FGF14: variants seen among roughly 807,000 people sequenced by gnomAD.
FGF14 encodes the protein fibroblast growth factor 14, also known as fibroblast growth factor homologous factor 4.
FGF14 carries 5 observed loss-of-function variants against 25.5 expected under a neutral mutation model. The ratio of observed to expected loss-of-function variants is 0.20; its 90% CI spans 0.10 to 0.41. The LOEUF is 0.41. Ranked by LOEUF, FGF14 falls within the 10% of genes least tolerant of loss-of-function variation. The pLI is 1.00. For synonymous variants in FGF14, 138 were observed against 118.3 expected, an observed-to-expected ratio of 1.17 and a Z score of -1.08; for missense variants, 222 against 320.1, an observed-to-expected ratio of 0.69 and a Z score of 2.34.
At chr13:102,246,888 A>G (rs915995014) in intron 1 of FGF14, among the ~76,000 whole-genome samples, 1 of 152,094 alleles carries the variant, frequency 6.6e-6, no homozygotes, top group Non-Finnish European at 1.5e-5. Flanking sequence ...GTACAAAAAC[A>G]GACACATAGA....
intron 3 of FGF14, among the ~76,000 whole-genome samples, chr13:101,808,134 T>G (rs1038282034): frequency 5.3e-5 from 8 of 152,064 alleles, no homozygotes; most frequent in Non-Finnish European, 1.0e-4. Flanking sequence ...ATGAGAAAAC[T>G]AATGAATATT....
At chr13:102,330,166 G>A (rs1214985599) in intron 1 of FGF14, among the ~76,000 whole-genome samples, 3 of 152,206 alleles carry the variant, frequency 2.0e-5, no homozygotes, top group Admixed American at 6.5e-5. Flanking sequence ...TTTCAGCAGA[G>A]CCTCCCTGTC....
At position 102,400,155 on chromosome 13, in the gene FGF14, G is replaced by A. The variant is rs538915772; in HGVS notation, c.208+1316C>T. Among the ~76,000 whole-genome samples the A allele has an allele frequency of 3.4e-3, 511 of 152,236 alleles. 7 individuals carry two copies. Among genetic ancestry groups the A allele is most frequent in the African/African-American group, 0.011 (477 of 41,552 alleles). On this transcript the variant is annotated intron_variant, in intron 1 of 4. Coordinates refer to the FGF14 transcript ENST00000376131. This position sits in a 1 kb window ranked among gnomAD's most constrained non-coding sequence, Gnocchi z 4.3. The stretch of plus-strand genomic sequence containing the variant: ...TACGTTGCATTGGCAAGGTTCGGAG[G>A]CTGGAGGGCAGCAGCCACTTGCTGC...
intron 1 of FGF14, among the ~76,000 whole-genome samples, chr13:102,042,822 G>C (rs1252766101): frequency 1.3e-5 from 2 of 152,168 alleles, no homozygotes; most frequent in Admixed American, 1.3e-4. Flanking sequence ...TCAAAAGGCA[G>C]GCTGTTTCAC....
intron 1 of FGF14, among the ~76,000 whole-genome samples, chr13:102,137,817 T>C (rs2046476789): frequency 6.6e-6 from 1 of 151,516 alleles, no homozygotes; most frequent in African/African-American, 2.4e-5. Context: ...TGGGTAAGGC[T>C]TTGTCTGAAA....
chr13:101,924,182 A>C (rs2034202650), intron 1 of FGF14, among the ~76,000 whole-genome samples: 1 of 152,122 alleles, frequency 6.6e-6, no homozygotes, highest in African/African-American at 2.4e-5. Context: ...GTTCATTTAT[A>C]ATCTCAATGC....
intron 1 of FGF14, among the ~76,000 whole-genome samples, chr13:102,278,659 T>TAC (rs201264505): frequency 2.0e-5 from 3 of 148,862 alleles, no homozygotes; most frequent in African/African-American, 7.4e-5. Context: ...TACACACACA[T>TAC]ACACACACAC....
intron 1 of FGF14, among the ~76,000 whole-genome samples, chr13:102,305,000 T>C (rs1566921501): frequency 2.0e-5 from 3 of 152,160 alleles, no homozygotes; most frequent in Admixed American, 6.5e-5. Flanking sequence ...AAATTTATTA[T>C]GCAGCAAAAA....
chr13:102,135,220 A>G (rs1352178313), intron 1 of FGF14, among the ~76,000 whole-genome samples: 3 of 152,198 alleles, frequency 2.0e-5, no homozygotes, highest in African/African-American at 7.2e-5. Context: ...ACAAACAAAC[A>G]AAGAAAAAGA....
intron 1 of FGF14, among the ~76,000 whole-genome samples, chr13:102,231,273 T>C (rs963517789): frequency 9.2e-5 from 14 of 152,192 alleles, no homozygotes; most frequent in Non-Finnish European, 2.1e-4. Flanking sequence ...CTTATCAAGG[T>C]CACATAAAAT....
At chr13:102,162,344 T>C (rs1260011577) in intron 1 of FGF14, among the ~76,000 whole-genome samples, 2 of 152,188 alleles carry the variant, frequency 1.3e-5, no homozygotes, top group Admixed American at 1.3e-4. Context: ...GAAAAACAGA[T>C]TTTTGGCAAA....
intron 1 of FGF14, among the ~76,000 whole-genome samples, chr13:101,949,499 T>C (rs1246542243): frequency 6.6e-6 from 1 of 152,158 alleles, no homozygotes; most frequent in African/African-American, 2.4e-5. Flanking sequence ...ATGGATGCCA[T>C]TTGCAGATAC....
chr13:102,294,194 T>C (rs1021044351), intron 1 of FGF14, among the ~76,000 whole-genome samples: 1 of 152,236 alleles, frequency 6.6e-6, no homozygotes, highest in Non-Finnish European at 1.5e-5. Context: ...CTGCTACAAC[T>C]AAAGTACTCA....
intron 1 of FGF14, among the ~76,000 whole-genome samples, chr13:101,896,784 A>T (rs2030750456): frequency 6.6e-6 from 1 of 152,158 alleles, no homozygotes; most frequent in Non-Finnish European, 1.5e-5. Flanking sequence ...AGTAATCAAT[A>T]AAACCAATTA....
At chr13:101,952,504 T>G (rs997527810) in intron 1 of FGF14, among the ~76,000 whole-genome samples, 2 of 152,032 alleles carry the variant, frequency 1.3e-5, no homozygotes, top group African/African-American at 4.8e-5. Flanking sequence ...TGCATAAGAA[T>G]AATAAATCTG....
At chr13:102,336,922 C>G (rs2056804637) in intron 1 of FGF14, among the ~76,000 whole-genome samples, 1 of 152,156 alleles carries the variant, frequency 6.6e-6, no homozygotes, top group African/African-American at 2.4e-5. Context: ...ACCTACTGTT[C>G]AGAACAAAAG....
rs143984165 is a variant in FGF14, at chr13:101,854,388, G to A, written c.408+14337C>T. On this transcript the variant is annotated intron_variant, in intron 3 of 4. Transcript: ENST00000376143. ...TCACTGAGATTGCTCTATGGTATTA[G>A]AAGAACTGTCAGAGAGAGGAGAATA... Among the ~76,000 whole-genome samples the A allele has an allele frequency of 1.8e-3, 269 of 152,122 alleles. 3 individuals are homozygous for A. Among genetic ancestry groups the A allele is most frequent in the African/African-American group, 6.3e-3 (261 of 41,536 alleles).
At chr13:102,347,267 G>A (rs1249465283) in intron 1 of FGF14, among the ~76,000 whole-genome samples, 1 of 152,166 alleles carries the variant, frequency 6.6e-6, no homozygotes, top group African/African-American at 2.4e-5. Context: ...TGACTCAAGA[G>A]ACAATCACTG....
intron 1 of FGF14, among the ~76,000 whole-genome samples, chr13:102,115,049 A>G (rs1178431861): frequency 6.6e-6 from 1 of 152,194 alleles, no homozygotes; most frequent in East Asian, 1.9e-4. Flanking sequence ...GACCAATGGT[A>G]AAGGATAATA....
Sources: allele counts gnomAD v4.1 joint callset (sites outside exome capture counted in the v4.1 genomes callset), GRCh38; gene constraint gnomAD v4.1.1; non-coding constraint Gnocchi (gnomAD v3.1); transcripts MANE v1.5; gene names NCBI Gene and HGNC (gene_info 2026-07-23, HGNC 2026-07-21).